Variants in KANK1 observed in about 807,000 individuals in gnomAD.
KANK1 encodes KN motif and ankyrin repeat domain-containing protein 1.
A neutral mutation model predicts 106.2 loss-of-function variants in KANK1; 109 were observed. The observed-to-expected ratio is 1.03, with a 90% confidence interval of 0.88 to 1.20. The LOEUF is 1.20. Ranked by LOEUF, KANK1 falls within the 50% of genes most tolerant of loss-of-function variation. The pLI is 0.00. For missense variants in KANK1, 2,399 were observed against 1,710.7 expected, an observed-to-expected ratio of 1.40 and a Z score of -7.10; for synonymous variants, 873 against 652.2, an observed-to-expected ratio of 1.34 and a Z score of -5.16.
At chr9:632,957 G>C (rs1368660315) in intron 1 of KANK1, among the ~76,000 whole-genome samples, 1 of 152,066 alleles carries the variant, frequency 6.6e-6, no homozygotes, top group Non-Finnish European at 1.5e-5. Flanking sequence ...GCCTCCCAAA[G>C]TGCTGGGATT....
intron 1 of KANK1, among the ~76,000 whole-genome samples, chr9:572,160 TTTTTTTTTTTC>T (rs1168894986): frequency 1.8e-5 from 2 of 113,320 alleles, no homozygotes; most frequent in South Asian, 2.7e-4. Flanking sequence ...ATTTTTTTTT[TTTTTTTTTTTC>T]TAAGAGACAG....
At chr9:482,946 A>G (rs2058231326) in intron 3 of KANK1, among the ~76,000 whole-genome samples, 1 of 152,210 alleles carries the variant, frequency 6.6e-6, no homozygotes, top group South Asian at 2.1e-4. Flanking sequence ...CTTTTTGTCC[A>G]GAGTATTCAC....
chr9:734,884 G>C (rs755945536), intron 7 of KANK1, 49 bp downstream of exon 7: 1 of 1,382,734 alleles, frequency 7.2e-7, no homozygotes, highest in South Asian at 1.2e-5. Flanking sequence ...AAGTGCATGA[G>C]TGGGTTCATT....
intron 1 of KANK1, among the ~76,000 whole-genome samples, chr9:615,962 A>G (rs958169886): frequency 6.6e-5 from 10 of 152,136 alleles, no homozygotes; most frequent in African/African-American, 1.9e-4. Flanking sequence ...TGTTGATGCC[A>G]TTTGCCTGCC....
intron 1 of KANK1, among the ~76,000 whole-genome samples, chr9:563,723 T>A (rs1817088274): frequency 6.6e-6 from 1 of 152,332 alleles, no homozygotes; most frequent in South Asian, 2.1e-4. Context: ...TTTCTCTTCT[T>A]TTTAATCAGA....
chr9:523,062 T>C (rs1473451610), intron 1 of KANK1, among the ~76,000 whole-genome samples: 1 of 151,746 alleles, frequency 6.6e-6, no homozygotes. Context: ...TCTTCTCTCA[T>C]GGCTTTAAGT....
chr9:621,978 G>A (rs1459227321), intron 1 of KANK1, among the ~76,000 whole-genome samples: 1 of 152,132 alleles, frequency 6.6e-6, no homozygotes. Context: ...AAGAGGAGAA[G>A]AAAAGATACT....
At chr9:564,372 T>A (rs1817292528) in intron 1 of KANK1, among the ~76,000 whole-genome samples, 2 of 152,078 alleles carry the variant, frequency 1.3e-5, no homozygotes, top group South Asian at 4.1e-4. Flanking sequence ...AGAATGCACT[T>A]TCTGTAGCAA....
chr9:502,952 A>T (rs1159837919), upstream of KANK1, among the ~76,000 whole-genome samples: 1 of 149,028 alleles, frequency 6.7e-6, no homozygotes, highest in Non-Finnish European at 1.5e-5. Flanking sequence ...CTCCTACCTT[A>T]GCCTCCAGAG....
intron 1 of KANK1, among the ~76,000 whole-genome samples, chr9:526,767 T>C (rs897241717): frequency 6.6e-6 from 1 of 151,594 alleles, no homozygotes; most frequent in Admixed American, 6.6e-5. Context: ...TTTGACTGCT[T>C]TAGATCTGTG....
intron 2 of KANK1, among the ~76,000 whole-genome samples, chr9:688,306 G>C (rs1276691443): frequency 6.6e-6 from 1 of 152,202 alleles, no homozygotes; most frequent in African/African-American, 2.4e-5. Flanking sequence ...CTCTAAGGCA[G>C]GCTTAAGATG....
At chr9:731,432 T>C (rs1235096542) in intron 5 of KANK1, 166 bp downstream of exon 5, 1 of 516,252 alleles carries the variant, frequency 1.9e-6, no homozygotes, top group Non-Finnish European at 3.5e-6. Context: ...TTTCCTCCTC[T>C]GGTGCTGTCT....
At chr9:730,642 G>C in intron 4 of KANK1, 1 of 278,116 alleles carries the variant, frequency 3.6e-6, no homozygotes, top group Non-Finnish European at 6.9e-6. Context: ...GCAGTGAGCT[G>C]AGATCACGCC....
intron 3 of KANK1, among the ~76,000 whole-genome samples, chr9:728,199 T>A (rs1362911635): frequency 1.3e-5 from 2 of 152,020 alleles, no homozygotes; most frequent in Non-Finnish European, 2.9e-5. Context: ...GTTTTGTTTC[T>A]TTTGTTTTCT....
At position 682,969 on chromosome 9, in the gene KANK1, C is replaced by G. The variant is rs147997569; in HGVS notation, c.37+5960C>G. Among the ~76,000 whole-genome samples the G allele has an allele frequency of 3.3e-3, 501 of 152,196 alleles. 10 individuals carry two copies. The highest frequency in any genetic ancestry group is 4.8e-3 in the East Asian group (25 of 5,164). ...CGTTTCTCAAACAGAACTCTGAGCC[C>G]ACTGCGGTGAACCTGATAGCAGGAA... is the stretch of plus-strand genomic sequence containing the variant. On this transcript the variant is annotated intron_variant, in intron 2 of 11. Transcript: ENST00000382297.
intron 1 of KANK1, among the ~76,000 whole-genome samples, chr9:639,598 C>G (rs181439491): frequency 1.3e-5 from 2 of 152,172 alleles, no homozygotes; most frequent in East Asian, 3.9e-4. Context: ...ATTACAGGCA[C>G]GAGCCACTGC....
At chr9:654,230 C>G (rs1399202543) in intron 1 of KANK1, among the ~76,000 whole-genome samples, 1 of 152,174 alleles carries the variant, frequency 6.6e-6, no homozygotes, top group African/African-American at 2.4e-5. Flanking sequence ...CTAATAAGTC[C>G]TCAGGTGATG....
chr9:676,698 C>A (rs929982827), intron 1 of KANK1, among the ~76,000 whole-genome samples, 192 bp from the exon 2 acceptor site: 1 of 152,112 alleles, frequency 6.6e-6, no homozygotes. Flanking sequence ...AGTATGTAGC[C>A]ACTGGTACAT....
intron 1 of KANK1, among the ~76,000 whole-genome samples, chr9:534,065 G>T (rs9408615): frequency 0.36 from 55,268 of 151,934 alleles, 12,056 homozygotes; most frequent in African/African-American, 0.61. Context: ...TGGGAGAAAG[G>T]GGGGGGCAGA....
Sources: gnomAD v4.1 joint callset for allele counts (sites outside exome capture counted in the v4.1 genomes callset) on GRCh38, gnomAD v4.1.1 for gene constraint, MANE v1.5 for transcripts, NCBI Gene and HGNC (gene_info 2026-07-23, HGNC 2026-07-21) for gene names.